STAT4: variants seen among roughly 807,000 people sequenced by gnomAD.
The protein encoded by STAT4 is signal transducer and activator of transcription 4.
In STAT4, 42 loss-of-function variants were observed where a neutral mutation model predicts 110.5. The observed-to-expected ratio is 0.38, with a 90% CI of 0.30 to 0.49. The LOEUF (loss-of-function observed/expected upper bound fraction) is 0.49. Among genes scored for constraint, STAT4 ranks in the 20% least tolerant of loss-of-function variants. The pLI is 0.95. For missense variants in STAT4, 632 were observed against 887.9 expected, an observed-to-expected ratio of 0.71 and a Z score of 3.66; for synonymous variants, 284 against 302.2, an observed-to-expected ratio of 0.94 and a Z score of 0.63.
rs1294317066 is a variant in STAT4 at position 191,029,619 on chromosome 2, C to T, written c.*221G>A. 14 of 534,042 alleles carry T rather than the reference C, an allele frequency of 2.6e-5. No individual in the cohort carries two copies. The highest frequency in any genetic ancestry group is 8.1e-5 in the African/African-American group (4 of 49,682). The allele number at this position is 534,042 out of a possible 1,614,324, so 33.1% of individuals were successfully genotyped here. On this transcript the variant is annotated 3_prime_UTR_variant, in exon 24 of 24. Coordinates refer to ENST00000392320, the MANE Select transcript of STAT4 (RefSeq NM_003151.4). This position sits in a 1 kb window ranked among gnomAD's most constrained non-coding sequence, Gnocchi z 4.5. ...ATTAACACTGGTTTCTTAAAGTTGT[C>T]TTATCTTGCAAGTTTATCTGAAGCT...
At chr2:191,081,856 G>A (rs1249105857) in intron 3 of STAT4, among the ~76,000 whole-genome samples, 1 of 152,072 alleles carries the variant, frequency 6.6e-6, no homozygotes, top group Non-Finnish European at 1.5e-5. Flanking sequence ...GTCTTGCCAA[G>A]GAAAACCACT....
At chr2:191,126,669 G>T (rs940298931) in intron 3 of STAT4, among the ~76,000 whole-genome samples, 1 of 152,174 alleles carries the variant, frequency 6.6e-6, no homozygotes, top group South Asian at 2.1e-4. Flanking sequence ...TTCTGTTACA[G>T]CTGTCAGGCC....
rs1175114684 is a variant in STAT4, at chr2:191,058,263, TC to T, written c.1095-45del. The T allele has an allele frequency of 2.6e-6, 4 of 1,529,634 alleles. No individual in the cohort carries two copies. Among genetic ancestry groups the T allele is most frequent in the Non-Finnish European group, 3.6e-6 (4 of 1,111,836 alleles). The allele number at this position is 1,529,634 out of a possible 1,614,324, so 94.8% of individuals were successfully genotyped here. ...TCTTTAAAACAAGCTATTTAATAGATCTAGGAATAACTTTCTATGATAGTTT... is the reference window on the plus strand; with the variant it reads ...TCTTTAAAACAAGCTATTTAATAGATTAGGAATAACTTTCTATGATAGTTT... On this transcript the variant is annotated intron_variant, in intron 11 of 23. Coordinates refer to ENST00000392320, the MANE Select transcript of STAT4 (RefSeq NM_003151.4). The surrounding 1 kb of genome is among the most constrained non-coding windows in gnomAD (Gnocchi z 4.3).
intron 16 of STAT4, 95 bp from the exon 17 acceptor site, chr2:191,036,394 C>A (rs1696048281): frequency 2.3e-6 from 3 of 1,294,750 alleles, no homozygotes; most frequent in Non-Finnish European, 3.2e-6. Flanking sequence ...CCTCTCCCCA[C>A]ACACATACTA....
In STAT4 at chr2:191,142,877, C is replaced by A. The variant is rs1472136039; in HGVS notation, c.273+3736G>T. 6.6e-6 allele frequency among the ~76,000 whole-genome samples: 1 copy of A among 152,116 alleles called. No individual in the cohort carries two copies. Among genetic ancestry groups the A allele is most frequent in the Non-Finnish European group, 1.5e-5 (1 of 68,006 alleles). On this transcript the variant is annotated intron_variant, in intron 3 of 23. Transcript: ENST00000392320. The surrounding 1 kb of genome is among the most constrained non-coding windows in gnomAD (Gnocchi z 4.1). Reference sequence around the variant, plus strand: ...AGATTTTCAGGGGCCATGAAACTCTCTAGTATGATATTGTAATGGTAGATA... The same window carrying A: ...AGATTTTCAGGGGCCATGAAACTCTATAGTATGATATTGTAATGGTAGATA...
intron 6 of STAT4, among the ~76,000 whole-genome samples, chr2:191,069,090 A>G (rs1358358482): frequency 6.6e-6 from 1 of 152,130 alleles, no homozygotes; most frequent in Non-Finnish European, 1.5e-5. Flanking sequence ...TATATACAAT[A>G]TGATTTCATT....
At chr2:191,034,356 G>C (rs919453881) in intron 18 of STAT4, among the ~76,000 whole-genome samples, 192 bp downstream of exon 18, 2 of 151,218 alleles carry the variant, frequency 1.3e-5, no homozygotes, top group Admixed American at 6.6e-5. Context: ...CCGGGAGGCA[G>C]AGCTTGCAGT....
chr2:191,146,854 G>T lies in STAT4; in HGVS notation c.129-97C>A. 8.5e-7 allele frequency: 1 copy of T among 1,171,008 alleles called. No individual in the cohort carries two copies. Among genetic ancestry groups the T allele is most frequent in the Non-Finnish European group, 1.1e-6 (1 of 891,726 alleles). 72.5% of individuals were successfully genotyped at this position (1,171,008 alleles called of 1,614,324 possible). A position where few individuals can be genotyped will look rare whatever the true frequency, so the allele number is the denominator to read the frequency against. On this transcript the variant is annotated intron_variant, in intron 2 of 23. Coordinates refer to ENST00000392320, the MANE Select transcript of STAT4 (RefSeq NM_003151.4). This position sits in a 1 kb window ranked among gnomAD's most constrained non-coding sequence, Gnocchi z 4.5. ...TTTAAAACAATAAACCTATTACATGGTGATAAGCATTTAAAAGTTTTAAAA... is the reference window on the plus strand; with the variant it reads ...TTTAAAACAATAAACCTATTACATGTTGATAAGCATTTAAAAGTTTTAAAA...
chr2:191,111,912 T>C (rs1478894559), intron 3 of STAT4, among the ~76,000 whole-genome samples: 1 of 152,066 alleles, frequency 6.6e-6, no homozygotes, highest in African/African-American at 2.4e-5. Flanking sequence ...GATTGAACTC[T>C]AGAAAATGCA....
In STAT4 at chr2:191,060,191, G is replaced by C. The variant is rs748703656; in HGVS notation, c.1035-1422C>G. Among the ~76,000 whole-genome samples the C allele has an allele frequency of 5.9e-5, 9 of 152,106 alleles. No individual in the cohort carries two copies. The stretch of plus-strand genomic sequence containing the variant: ...AACATGCAAGTGGTGCTGATTCAGA[G>C]TGCCTCTTCCACTTAGAATTTTTTT... On this transcript the variant is annotated intron_variant, in intron 10 of 23. Coordinates refer to ENST00000392320, the MANE Select transcript of STAT4 (RefSeq NM_003151.4). The surrounding 1 kb of genome is among the most constrained non-coding windows in gnomAD (Gnocchi z 4.5).
At chr2:191,123,444 C>T (rs377518626) in intron 3 of STAT4, among the ~76,000 whole-genome samples, 1 of 152,116 alleles carries the variant, frequency 6.6e-6, no homozygotes, top group African/African-American at 2.4e-5. Context: ...TTTCCTCTAC[C>T]CTTCCTTCTT....
At chr2:191,115,165 T>C (rs1698540640) in intron 3 of STAT4, among the ~76,000 whole-genome samples, 1 of 152,112 alleles carries the variant, frequency 6.6e-6, no homozygotes, top group Non-Finnish European at 1.5e-5. Context: ...AATCCAAAGT[T>C]GAAAGAGATA....
intron 14 of STAT4, among the ~76,000 whole-genome samples, chr2:191,049,247 T>C (rs528048733): frequency 6.9e-6 from 1 of 145,142 alleles, no homozygotes; most frequent in South Asian, 2.2e-4. Flanking sequence ...AAATTTCAGC[T>C]CACTGCAAGC....
chr2:191,053,611 C>G lies in STAT4; in HGVS notation c.1251+879G>C, dbSNP rs909585914. The stretch of plus-strand genomic sequence containing the variant: ...CTAGTGAAATGCAAACATTAGAGAG[C>G]GAGGTAATTGATATCTCAAAATAAT... On this transcript the variant is annotated intron_variant, in intron 14 of 23. Coordinates refer to ENST00000392320, the MANE Select transcript of STAT4 (RefSeq NM_003151.4). This position sits in a 1 kb window ranked among gnomAD's most constrained non-coding sequence, Gnocchi z 4.5. 2.0e-5 allele frequency among the ~76,000 whole-genome samples: 3 copies of G among 152,062 alleles called. No homozygotes were observed. The highest frequency in any genetic ancestry group is 4.4e-5 in the Non-Finnish European group (3 of 68,018).
At chr2:191,130,220 CT>C (rs34523590) in intron 3 of STAT4, among the ~76,000 whole-genome samples, 1,602 of 115,680 alleles carry the variant, frequency 0.014, 9 homozygotes, top group East Asian at 0.045. Flanking sequence ...GTCTATCTCC[CT>C]TTTTTTTTTT....
At chr2:191,121,224 A>G (rs1698717702) in intron 3 of STAT4, among the ~76,000 whole-genome samples, 1 of 152,254 alleles carries the variant, frequency 6.6e-6, no homozygotes, top group African/African-American at 2.4e-5. Flanking sequence ...ACAATGAGAT[A>G]CCATCTCACA....
chr2:191,047,196 A>C (rs1337984359), intron 14 of STAT4, among the ~76,000 whole-genome samples: 1 of 151,984 alleles, frequency 6.6e-6, no homozygotes, highest in Non-Finnish European at 1.5e-5. Flanking sequence ...GGAGCTCCAC[A>C]CCCCTTCTCC....
rs1311605759 is a variant in STAT4 at position 191,077,130 on chromosome 2, A to G, written c.274-805T>C. On this transcript the variant is annotated intron_variant, in intron 3 of 23. Coordinates refer to ENST00000392320, the MANE Select transcript of STAT4 (RefSeq NM_003151.4). The surrounding 1 kb of genome is among the most constrained non-coding windows in gnomAD (Gnocchi z 4.1). ...AACTATATTTTTATGACATCTAAGCATATACATCTTTTATTACCAAGGTTA... is the reference window on the plus strand; with the variant it reads ...AACTATATTTTTATGACATCTAAGCGTATACATCTTTTATTACCAAGGTTA... Among the ~76,000 whole-genome samples, 1 of 152,224 alleles carries G rather than the reference A, an allele frequency of 6.6e-6. No homozygotes were observed. Among genetic ancestry groups the G allele is most frequent in the Admixed American group, 6.5e-5 (1 of 15,282 alleles).
intron 3 of STAT4, among the ~76,000 whole-genome samples, chr2:191,108,464 G>A (rs115585523): frequency 1.2e-3 from 182 of 152,252 alleles, no homozygotes; most frequent in African/African-American, 3.9e-3. Context: ...CATATGATGC[G>A]TTGAGAAACA....
Sources: gnomAD v4.1 joint callset for allele counts (sites outside exome capture counted in the v4.1 genomes callset) on GRCh38, gnomAD v4.1.1 for gene constraint, Gnocchi (gnomAD v3.1) non-coding constraint, MANE v1.5 for transcripts, NCBI Gene and HGNC (gene_info 2026-07-23, HGNC 2026-07-21) for gene names.